The following KIF24 variants were observed in gnomAD, a reference collection of about 807,000 sequenced individuals.
KIF24 encodes the protein kinesin-like protein KIF24.
In KIF24, 81 loss-of-function variants were observed where a neutral mutation model predicts 118.9. The observed-to-expected ratio is 0.68, with a 90% CI of 0.57 to 0.82. The LOEUF (loss-of-function observed/expected upper bound fraction) is 0.82. Among genes scored for constraint, KIF24 ranks in the 40% least tolerant of loss-of-function variants. The pLI is 0.00. For missense variants in KIF24, 1,560 were observed against 1,661.6 expected, an observed-to-expected ratio of 0.94 and a Z score of 1.06; for synonymous variants, 599 against 610.0, an observed-to-expected ratio of 0.98 and a Z score of 0.27.
intron 4 of KIF24, among the ~76,000 whole-genome samples, chr9:34,291,824 A>T (rs973261229): frequency 6.6e-6 from 1 of 152,214 alleles, no homozygotes; most frequent in Non-Finnish European, 1.5e-5. Context: ...TGTGACAGGA[A>T]AATAAATCTC....
At chr9:34,306,037 T>G (rs1262155540) in intron 3 of KIF24, among the ~76,000 whole-genome samples, 1 of 152,202 alleles carries the variant, frequency 6.6e-6, no homozygotes, top group African/African-American at 2.4e-5. Context: ...AAATTGTTTT[T>G]GTATCCCCTA....
At chr9:34,309,312 C>T (rs1482328910) in intron 2 of KIF24, among the ~76,000 whole-genome samples, 1 of 152,020 alleles carries the variant, frequency 6.6e-6, no homozygotes, top group Non-Finnish European at 1.5e-5. Flanking sequence ...GAGGCTGAGG[C>T]GGGTGGATCA....
rs372213020 is a variant in KIF24, at chr9:34,306,307, G to C, written c.758C>G (p.Thr253Ser). Residue 253 changes from threonine to serine, a missense_variant, in exon 3 of 13, where the codon ACT (threonine) becomes AGT (serine). Around this residue, in one of 3 missense-constraint regions of KIF24, gnomAD observed 964 missense variants for 988.0 expected, o/e 0.98. Coordinates refer to ENST00000402558, the MANE Select transcript of KIF24 (RefSeq NM_194313.4). ...INIITVEDKETLLVHEKKEAV... is the reference protein window; with the variant it reads ...INIITVEDKESLLVHEKKEAV... ...TTCTTTCTTCTCATGCACAAGTAGA[G>C]TTTCTTTGTCTTCTACAGTAATAAT... 1.2e-6 allele frequency: 2 copies of C among 1,610,164 alleles called. No homozygotes were observed. Among genetic ancestry groups the C allele is most frequent in the African/African-American group, 2.7e-5 (2 of 74,802 alleles).
At chr9:34,266,130 T>C (rs1835278687) in intron 8 of KIF24, among the ~76,000 whole-genome samples, 1 of 152,156 alleles carries the variant, frequency 6.6e-6, no homozygotes, top group Non-Finnish European at 1.5e-5. Context: ...TGGGCTCGAG[T>C]GATCTGTCCA....
intron 7 of KIF24, 44 bp downstream of exon 7, chr9:34,271,765 A>G (rs1455074238): frequency 6.2e-7 from 1 of 1,604,130 alleles, no homozygotes; most frequent in Non-Finnish European, 8.5e-7. Flanking sequence ...AAGTCACATT[A>G]AAGGAAAGGC....
chr9:34,324,555 C>T (rs967790781), intron 1 of KIF24, among the ~76,000 whole-genome samples: 48 of 152,174 alleles, frequency 3.2e-4, no homozygotes, highest in African/African-American at 1.0e-3. Context: ...TTCTCCTGGC[C>T]TCCAGTTATG....
At chr9:34,311,838 C>T (rs867440024) in intron 1 of KIF24, among the ~76,000 whole-genome samples, 2 of 150,926 alleles carry the variant, frequency 1.3e-5, no homozygotes, top group South Asian at 4.2e-4. Context: ...ACATACATAA[C>T]ACATAACTTA....
At chr9:34,314,848 G>A (rs1401980090) in intron 1 of KIF24, among the ~76,000 whole-genome samples, 1 of 152,168 alleles carries the variant, frequency 6.6e-6, no homozygotes, top group Non-Finnish European at 1.5e-5. Context: ...CAAAGAGTAA[G>A]TAAACTGTAA....
chr9:34,303,710 G>A (rs999280540), intron 3 of KIF24, among the ~76,000 whole-genome samples: 10 of 152,180 alleles, frequency 6.6e-5, no homozygotes, highest in East Asian at 1.9e-4. Flanking sequence ...TTAGCCAGGC[G>A]TGGTGGCATG....
At chr9:34,269,512 C>T (rs563135978) in intron 7 of KIF24, 150 bp from the exon 8 acceptor site, 178 of 389,332 alleles carry the variant, frequency 4.6e-4, no homozygotes, top group African/African-American at 2.9e-3. Context: ...CTCTGCCTCC[C>T]GGGTTCACGC....
chr9:34,281,277 C>T (rs745812197), intron 6 of KIF24, among the ~76,000 whole-genome samples: 4 of 152,246 alleles, frequency 2.6e-5, no homozygotes, highest in South Asian at 4.1e-4. Context: ...CTTCCAGCCT[C>T]GGCCTCCCAA....
upstream of KIF24, among the ~76,000 whole-genome samples, chr9:34,332,324 T>TA (rs1248401317): frequency 3.9e-5 from 6 of 152,198 alleles, no homozygotes; most frequent in Non-Finnish European, 8.8e-5. Flanking sequence ...CCTTATGGGG[T>TA]ACCTTGTTAA....
chr9:34,275,933 CTGAG>C (rs1173793603), intron 6 of KIF24, among the ~76,000 whole-genome samples: 1 of 152,170 alleles, frequency 6.6e-6, no homozygotes, highest in Admixed American at 6.5e-5. Flanking sequence ...GTTTGTTCCT[CTGAG>C]TTTGTTCAAC....
At position 34,256,407 on chromosome 9, in the gene KIF24, G is replaced by A. The variant is rs758505988; in HGVS notation, c.3200C>T (p.Pro1067Leu). 2.3e-5 allele frequency: 37 copies of A among 1,613,830 alleles called. No individual in the cohort carries two copies. Among genetic ancestry groups the A allele is most frequent in the Non-Finnish European group, 3.0e-5 (35 of 1,179,898 alleles). ...LENPDNEGSPPSEQLVQDGAT... is the reference protein window; with the variant it reads ...LENPDNEGSPLSEQLVQDGAT... ...CCCATCCTGGACCAGCTGCTCCGAG[G>A]GAGGAGACCCTTCGTTGTCTGGGTT... Residue 1067 changes from proline (P) to leucine (L), a missense_variant, in exon 11 of 13, where the codon CCC becomes CTC. By Grantham distance (98) the Pro-to-Leu change is moderately conservative (BLOSUM62 -3). Around this residue, in one of 3 missense-constraint regions of KIF24, gnomAD observed 591 missense variants for 655.6 expected, o/e 0.90. Transcript: ENST00000402558.
At chr9:34,279,722 T>G (rs966912061) in intron 6 of KIF24, among the ~76,000 whole-genome samples, 1 of 152,232 alleles carries the variant, frequency 6.6e-6, no homozygotes, top group Non-Finnish European at 1.5e-5. Flanking sequence ...AACACATGGG[T>G]GATACCTGAG....
chr9:34,268,509 C>CTTTTT (rs551412725), intron 8 of KIF24, among the ~76,000 whole-genome samples: 1 of 123,570 alleles, frequency 8.1e-6, no homozygotes, highest in South Asian at 2.5e-4. Flanking sequence ...GATTTTCTTT[C>CTTTTT]TTTTTTTTTT....
intron 1 of KIF24, chr9:34,319,011 C>A: frequency 8.2e-7 from 1 of 1,225,152 alleles, no homozygotes; most frequent in Non-Finnish European, 1.2e-6. Flanking sequence ...CTTGTCAACA[C>A]CATGTTCTTC....
At position 34,318,769 on chromosome 9, in the gene KIF24, C is replaced by T. The variant is rs992978089; in HGVS notation, c.-25-7398G>A. The T allele has an allele frequency of 3.0e-5, 45 of 1,520,482 alleles. No homozygotes were observed. Among genetic ancestry groups the T allele is most frequent in the Admixed American group, 7.1e-5 (4 of 56,716 alleles). The allele number at this position is 1,520,482 out of a possible 1,614,324, so 94.2% of individuals were successfully genotyped here. A position where few individuals can be genotyped will look rare whatever the true frequency, so the allele number is the denominator to read the frequency against. The stretch of plus-strand genomic sequence containing the variant: ...CGCTGCGTTCACTCAGCAACTCCAC[C>T]GCGCGCAACGTGACCTGGAAGCTGT... On this transcript the variant is annotated intron_variant, in intron 1 of 12. Transcript: ENST00000402558. This position sits in a 1 kb window ranked among gnomAD's most constrained non-coding sequence, Gnocchi z 4.9.
intron 7 of KIF24, among the ~76,000 whole-genome samples, chr9:34,270,742 G>A (rs1454395791): frequency 6.6e-6 from 1 of 151,010 alleles, no homozygotes; most frequent in East Asian, 2.0e-4. Flanking sequence ...ACAGATGTCA[G>A]CCACCATCAG....
Sources: allele counts gnomAD v4.1 joint callset (sites outside exome capture counted in the v4.1 genomes callset), GRCh38; gene constraint gnomAD v4.1.1; regional missense constraint gnomAD v4.1.1; non-coding constraint Gnocchi (gnomAD v3.1); transcripts MANE v1.5; gene names NCBI Gene and HGNC (gene_info 2026-07-23, HGNC 2026-07-21).